Variants in OR51B5 observed in about 807,000 individuals in gnomAD.
OR51B5 encodes olfactory receptor 51B5.
For missense variants in OR51B5, 456 were observed against 374.6 expected (o/e 1.22, Z -1.79); for synonymous variants, 186 against 144.8 (o/e 1.28, Z -2.04).
intron 1 of OR51B5, among the ~76,000 whole-genome samples, chr11:5,472,793 A>T (rs977211279): frequency 6.6e-6 from 1 of 152,180 alleles, no homozygotes; most frequent in African/African-American, 2.4e-5. Context: ...ACTGATTCTC[A>T]CTGATTCTCA....
At chr11:5,346,639 G>C (rs1268385758), upstream of OR51B5, among the ~76,000 whole-genome samples, 1 of 152,164 alleles carries the variant, frequency 6.6e-6, no homozygotes, top group East Asian at 1.9e-4. Flanking sequence ...GTCTTAGGTA[G>C]TTGGTTGGTA....
chr11:5,372,940 A>G (rs1439267008), intron 1 of OR51B5, among the ~76,000 whole-genome samples: 1 of 152,196 alleles, frequency 6.6e-6, no homozygotes, highest in African/African-American at 2.4e-5. Flanking sequence ...AGCTATAGTA[A>G]CCAAAAAAGT....
chr11:5,344,896 T>C (rs1848966460), upstream of OR51B5, among the ~76,000 whole-genome samples: 1 of 152,164 alleles, frequency 6.6e-6, no homozygotes. Flanking sequence ...GTATACAAGA[T>C]AGTATAGCAG....
intron 1 of OR51B5, among the ~76,000 whole-genome samples, chr11:5,363,953 A>T (rs1589955305): frequency 6.6e-6 from 1 of 152,108 alleles, no homozygotes; most frequent in Non-Finnish European, 1.5e-5. Flanking sequence ...AAAGGAGGAG[A>T]AGCTTGTGTT....
At chr11:5,358,999 T>G (rs1849237342) in intron 1 of OR51B5, among the ~76,000 whole-genome samples, 1 of 151,916 alleles carries the variant, frequency 6.6e-6, no homozygotes, top group Non-Finnish European at 1.5e-5. Context: ...TATCTCAAAA[T>G]AATAAGAGCC....
chr11:5,395,528 T>C (rs980490435), intron 1 of OR51B5, among the ~76,000 whole-genome samples: 1 of 152,162 alleles, frequency 6.6e-6, no homozygotes, highest in African/African-American at 2.4e-5. Context: ...GGAAGACAGA[T>C]CTGGACTTGT....
intron 1 of OR51B5, chr11:5,422,840 C>G (rs753723832): frequency 6.2e-7 from 1 of 1,614,164 alleles, no homozygotes; most frequent in Non-Finnish European, 8.5e-7. Flanking sequence ...CGTGGATCCT[C>G]TGCTCATTGT....
intron 1 of OR51B5, among the ~76,000 whole-genome samples, chr11:5,368,538 GTCTA>G (rs767524906): frequency 3.3e-5 from 5 of 152,240 alleles, no homozygotes; most frequent in Admixed American, 6.5e-5. Flanking sequence ...AAGATACTCT[GTCTA>G]GCTCTGACAA....
At chr11:5,484,144 A>C (rs1022884025) in intron 1 of OR51B5, among the ~76,000 whole-genome samples, 1 of 152,132 alleles carries the variant, frequency 6.6e-6, no homozygotes, top group African/African-American at 2.4e-5. Flanking sequence ...AAGTTCTTGA[A>C]ATCAGATTCC....
At chr11:5,396,680 C>A (rs1321606751) in intron 1 of OR51B5, among the ~76,000 whole-genome samples, 2 of 151,894 alleles carry the variant, frequency 1.3e-5, no homozygotes, top group African/African-American at 2.4e-5. Context: ...CAATGACTTT[C>A]TTCACAGAAT....
At chr11:5,356,826 A>T in intron 1 of OR51B5, among the ~76,000 whole-genome samples, 1 of 125,744 alleles carries the variant, frequency 8.0e-6, no homozygotes, top group Non-Finnish European at 1.8e-5. Flanking sequence ...AATATTCAAC[A>T]TCCTTAAAGG....
At chr11:5,468,691 A>T in intron 1 of OR51B5, 1 of 456,578 alleles carries the variant, frequency 2.2e-6, no homozygotes, top group South Asian at 1.5e-5. Context: ...TATGTGACAC[A>T]CATGTGTTGA....
In OR51B5 at chr11:5,445,416, C is replaced by T. The variant is rs548696200; in HGVS notation, n.84+60153G>A. Among the ~76,000 whole-genome samples, 19 of 152,118 alleles carry T rather than the reference C, an allele frequency of 1.2e-4. No individual in the cohort carries two copies. In the South Asian group the frequency reaches 3.7e-3, roughly 30 times the overall value. On this transcript the variant is annotated intron_variant and non_coding_transcript_variant, in intron 1 of 4. Coordinates refer to the OR51B5 transcript ENST00000415970. ...ATGCTAGCATCCATGTAACAAATTC[C>T]TTATGCAAGCACTCCTTTTACTCCA...
chr11:5,453,297 A>C, intron 1 of OR51B5: 1 of 430,560 alleles, frequency 2.3e-6, no homozygotes, highest in Non-Finnish European at 4.1e-6. Context: ...GATCATCATA[A>C]AATATGAAGA....
chr11:5,351,884 G>A (rs5006888), intron 1 of OR51B5: 964,618 of 1,596,436 alleles, frequency 0.6, 294,769 homozygotes, highest in South Asian at 0.71. Flanking sequence ...ACCATCCGCA[G>A]CCCCTTAAGA....
At chr11:5,458,655 T>C (rs1590008564) in intron 1 of OR51B5, among the ~76,000 whole-genome samples, 1 of 152,192 alleles carries the variant, frequency 6.6e-6, no homozygotes, top group Non-Finnish European at 1.5e-5. Context: ...GTAATTCTCA[T>C]TGTAGAGATC....
intron 1 of OR51B5, among the ~76,000 whole-genome samples, chr11:5,376,647 A>C (rs1272425763): frequency 6.6e-6 from 1 of 152,162 alleles, no homozygotes; most frequent in Non-Finnish European, 1.5e-5. Flanking sequence ...GATCCCACAG[A>C]AATACAAACT....
At chr11:5,499,861 G>T (rs1205889222) in intron 1 of OR51B5, among the ~76,000 whole-genome samples, 1 of 152,184 alleles carries the variant, frequency 6.6e-6, no homozygotes, top group Non-Finnish European at 1.5e-5. Flanking sequence ...CAAGGGAAAT[G>T]AGTTCATTTC....
At chr11:5,488,333 G>T (rs552825957) in intron 1 of OR51B5, among the ~76,000 whole-genome samples, 1 of 152,162 alleles carries the variant, frequency 6.6e-6, no homozygotes, top group Non-Finnish European at 1.5e-5. Context: ...CTAGGTAAGA[G>T]AAAAGGCATG....
Sources: allele counts gnomAD v4.1 joint callset (sites outside exome capture counted in the v4.1 genomes callset), GRCh38; gene constraint gnomAD v4.1.1; transcripts MANE v1.5; gene names NCBI Gene and HGNC (gene_info 2026-07-23, HGNC 2026-07-21).